Variants in SLC2A14 observed in about 807,000 individuals in gnomAD.
The protein encoded by SLC2A14 is solute carrier family 2, facilitated glucose transporter member 14.
Under a neutral mutation model 43.0 loss-of-function variants are expected in SLC2A14, and 13 were observed. The observed-to-expected ratio is 0.30, with a 90% CI of 0.20 to 0.48. The LOEUF (loss-of-function observed/expected upper bound fraction) is 0.48, where lower values mean the gene tolerates loss of function less well. Ranked by LOEUF, SLC2A14 falls within the 20% of genes least tolerant of loss-of-function variation. The pLI is 0.99. For synonymous variants in SLC2A14, 190 were observed against 233.8 expected (o/e 0.81, Z 1.71); for missense variants, 428 against 620.4 (o/e 0.69, Z 3.29).
At chr12:7,821,828 T>TTC (rs1402609377) in intron 7 of SLC2A14, among the ~76,000 whole-genome samples, 2 of 144,552 alleles carry the variant, frequency 1.4e-5, no homozygotes, top group Non-Finnish European at 3.0e-5. Context: ...TTTCTTTCTT[T>TTC]TTTTTTTTTT....
chr12:7,874,820 A>G (rs1945400785), upstream of SLC2A14, among the ~76,000 whole-genome samples: 1 of 96,480 alleles, frequency 1.0e-5, no homozygotes, highest in Non-Finnish European at 2.2e-5. Flanking sequence ...ACGTATTTAT[A>G]TATAAATTAT....
rs774426346 is a variant in SLC2A14 at position 7,841,450 on chromosome 12, G to A, written c.19-8636C>T. 2.0e-5 allele frequency among the ~76,000 whole-genome samples: 3 copies of A among 151,908 alleles called. No individual in the cohort carries two copies. In the East Asian group the frequency reaches 5.8e-4, roughly 30 times the overall value. On this transcript the variant is annotated intron_variant, in intron 2 of 10. Transcript: ENST00000431042. ...TAATTTTTGTATTTTTAGTAGAGAC[G>A]GGGTTTTGCCATGTTGGCCAGGCTG... is the stretch of plus-strand genomic sequence containing the variant.
chr12:7,831,606 G>A lies in SLC2A14; in HGVS notation c.270C>T (p.Gly90=), dbSNP rs1429794489. Reference sequence around the variant, plus strand: ...CTTGCCCAGTTTCTAGTCAATACCTGCCAAAGCGGTTAACAAAGAGTCCGA... The same window carrying A: ...CTTGCCCAGTTTCTAGTCAATACCTACCAAAGCGGTTAACAAAGAGTCCGA... ...FSVGLFVNRF[G]RRNSMLIVNL... Residue 90 remains glycine, a splice_region_variant and synonymous_variant, in exon 4 of 11, where the codon GGC becomes GGT. Coordinates refer to ENST00000431042, the MANE Select transcript of SLC2A14 (RefSeq NM_001286234.2). 6.2e-7 allele frequency: 1 copy of A among 1,614,062 alleles called. No individual in the cohort carries two copies. Among genetic ancestry groups the A allele is most frequent in the Non-Finnish European group, 8.5e-7 (1 of 1,180,022 alleles).
rs927316550 is a variant in SLC2A14 at position 7,881,273 on chromosome 12, G to A, written c.132+9723C>T. Among the ~76,000 whole-genome samples the A allele has an allele frequency of 7.2e-5, 11 of 152,102 alleles. 1 individual carries two copies. The highest frequency in any genetic ancestry group is 7.4e-5 in the Non-Finnish European group (5 of 67,986). On this transcript the variant is annotated intron_variant, in intron 1 of 9. Coordinates refer to the SLC2A14 transcript ENST00000539924. ...CCAGCTCCCTCAGCTTGCGGGAGGTGTGGAGGGAGAGGCGCGGGCGGGAAC... is the reference window on the plus strand; with the variant it reads ...CCAGCTCCCTCAGCTTGCGGGAGGTATGGAGGGAGAGGCGCGGGCGGGAAC...
rs760435191 is a variant in SLC2A14, at chr12:7,848,373, C to CT, written c.19-15560dup. On this transcript the variant is annotated intron_variant, in intron 2 of 10. Coordinates refer to ENST00000431042, the MANE Select transcript of SLC2A14 (RefSeq NM_001286234.2). ...CTTCAATATTTGTATCTCAGATTGT[C>CT]TTTTTTTTATTATTATTTTTTACAA... 3.1e-3 allele frequency among the ~76,000 whole-genome samples: 435 copies of CT among 139,988 alleles called. 2 individuals are homozygous for CT. The highest frequency in any genetic ancestry group is 0.015 in the Middle Eastern group (4 of 260). The allele number at this position is 139,988 out of a possible 152,430, so 91.8% of individuals were successfully genotyped here. A position where few individuals can be genotyped will look rare whatever the true frequency, so the allele number is the denominator to read the frequency against.
chr12:7,848,823 T>C (rs1042543537), intron 2 of SLC2A14, among the ~76,000 whole-genome samples: 13 of 151,646 alleles, frequency 8.6e-5, no homozygotes, highest in African/African-American at 3.2e-4. Flanking sequence ...CCCAAAGTGC[T>C]GGGATTACAA....
intron 1 of SLC2A14, chr12:7,871,942 T>G (rs937272712): frequency 1.0e-6 from 1 of 980,038 alleles, no homozygotes; most frequent in Non-Finnish European, 1.2e-6. Flanking sequence ...GAATCTCCAA[T>G]AGAGGGCTGA....
intron 2 of SLC2A14, among the ~76,000 whole-genome samples, chr12:7,835,362 G>C (rs1865365656): frequency 6.6e-6 from 1 of 152,168 alleles, no homozygotes; most frequent in Non-Finnish European, 1.5e-5. Flanking sequence ...ACTCCAGCCT[G>C]GGTGCCAGCG....
At chr12:7,827,379 G>T in intron 7 of SLC2A14, 116 bp downstream of exon 7, 2 of 1,422,106 alleles carry the variant, frequency 1.4e-6, no homozygotes, top group South Asian at 2.8e-5. Context: ...GGGTTCAAGC[G>T]ATTCTCCTGC....
chr12:7,829,682 A>G, intron 5 of SLC2A14, 84 bp downstream of exon 5: 2 of 1,543,702 alleles, frequency 1.3e-6, no homozygotes, highest in Non-Finnish European at 1.8e-6. Flanking sequence ...CATGTGCCAG[A>G]TATTCTTCAG....
chr12:7,882,936 T>C (rs1945613773), intron 1 of SLC2A14, among the ~76,000 whole-genome samples: 1 of 149,612 alleles, frequency 6.7e-6, no homozygotes, highest in Non-Finnish European at 1.5e-5. Flanking sequence ...CCTGGCTAGG[T>C]GTGGTGGCTC....
chr12:7,853,491 T>C (rs1329212692), intron 2 of SLC2A14, among the ~76,000 whole-genome samples: 1 of 150,262 alleles, frequency 6.7e-6, no homozygotes, highest in African/African-American at 2.5e-5. Flanking sequence ...TCCCAGCTAC[T>C]TGGGAGGCTG....
intron 1 of SLC2A14, among the ~76,000 whole-genome samples, chr12:7,886,535 T>C (rs1223029599): frequency 6.6e-6 from 1 of 152,032 alleles, no homozygotes; most frequent in Non-Finnish European, 1.5e-5. Context: ...GTTCTTTTTG[T>C]GTTTTTATGG....
chr12:7,823,720 CA>C (rs34419496), intron 7 of SLC2A14, among the ~76,000 whole-genome samples: 1 of 150,254 alleles, frequency 6.7e-6, no homozygotes, highest in African/African-American at 2.4e-5. Context: ...AACTCCGTCT[CA>C]AAAAAAAAGA....
intron 1 of SLC2A14, among the ~76,000 whole-genome samples, chr12:7,883,580 TTTTTC>T (rs774498321): frequency 4.0e-4 from 53 of 132,072 alleles, no homozygotes; most frequent in African/African-American, 1.2e-3. Flanking sequence ...TTTCTTTTTC[TTTTTC>T]TTTTCTTTTT....
intron 2 of SLC2A14, among the ~76,000 whole-genome samples, chr12:7,851,426 G>A (rs919968724): frequency 1.3e-5 from 2 of 152,056 alleles, no homozygotes; most frequent in African/African-American, 4.8e-5. Flanking sequence ...ATATATACTT[G>A]AAACTGCCAA....
intron 1 of SLC2A14, chr12:7,890,730 A>C: frequency 4.5e-6 from 1 of 222,824 alleles, no homozygotes; most frequent in Non-Finnish European, 8.9e-6. Flanking sequence ...CCTAGACGCA[A>C]TGGGACAGGG....
intron 1 of SLC2A14, among the ~76,000 whole-genome samples, chr12:7,883,440 G>A (rs545251865): frequency 1.3e-5 from 2 of 150,116 alleles, no homozygotes; most frequent in South Asian, 4.2e-4. Context: ...CTGATTTTTT[G>A]TATTTTTAGT....
intron 1 of SLC2A14, among the ~76,000 whole-genome samples, chr12:7,882,833 CA>C (rs1281800722): frequency 6.6e-6 from 1 of 151,138 alleles, no homozygotes; most frequent in African/African-American, 2.4e-5. Flanking sequence ...GAGGCTGTCT[CA>C]AAAAAATTTG....
Sources: gnomAD v4.1 joint callset for allele counts (sites outside exome capture counted in the v4.1 genomes callset) on GRCh38, gnomAD v4.1.1 for gene constraint, MANE v1.5 for transcripts, NCBI Gene and HGNC (gene_info 2026-07-23, HGNC 2026-07-21) for gene names.